MYO3A: variants seen among roughly 807,000 people sequenced by gnomAD.
MYO3A encodes myosin IIIA.
A neutral mutation model predicts 192.7 loss-of-function variants in MYO3A; 180 were observed. That is an observed-to-expected ratio of 0.93 (90% CI 0.83 to 1.06). MYO3A has a LOEUF of 1.06. Among genes scored for constraint, MYO3A ranks in the 50% least tolerant of loss-of-function variants. The pLI is 0.00. For missense variants in MYO3A, 1,896 were observed against 1,905.0 expected (o/e 1.00, Z 0.09); for synonymous variants, 628 against 645.3 (o/e 0.97, Z 0.41).
chr10:26,016,916 C>T lies in MYO3A; in HGVS notation c.585+20C>T. ...CCTGAGGTCAGATAGAGTTTTGAGG[C>T]AGACAAACGTAATAGCTGATCCTGT... On this transcript the variant is annotated intron_variant, in intron 7 of 34. Transcript: ENST00000642920. 6.2e-7 allele frequency: 1 copy of T among 1,607,204 alleles called. No individual in the cohort carries two copies. Among genetic ancestry groups the T allele is most frequent in the South Asian group, 1.1e-5 (1 of 90,914 alleles).
chr10:25,988,812 ACT>A (rs1220798416), intron 4 of MYO3A, among the ~76,000 whole-genome samples: 2 of 152,028 alleles, frequency 1.3e-5, no homozygotes, highest in African/African-American at 4.8e-5. Flanking sequence ...CCAAATATTT[ACT>A]CTTGTGTTAA....
intron 29 of MYO3A, among the ~76,000 whole-genome samples, chr10:26,173,038 G>C (rs1303553717): frequency 2.7e-5 from 4 of 148,446 alleles, no homozygotes; most frequent in Non-Finnish European, 5.9e-5. Flanking sequence ...CTCTTGTAAG[G>C]GTTTTGCCTT....
At chr10:26,110,975 C>T (rs1218315366) in intron 17 of MYO3A, among the ~76,000 whole-genome samples, 1 of 151,326 alleles carries the variant, frequency 6.6e-6, no homozygotes, top group Non-Finnish European at 1.5e-5. Flanking sequence ...ATCTGTCCTC[C>T]CACTTCAACC....
intron 31 of MYO3A, among the ~76,000 whole-genome samples, chr10:26,177,536 G>A (rs969589697): frequency 6.6e-6 from 1 of 152,138 alleles, no homozygotes; most frequent in African/African-American, 2.4e-5. Context: ...GACTGTGGAG[G>A]TCTGGAGCCT....
chr10:26,037,551 A>T (rs1588835785), intron 10 of MYO3A, among the ~76,000 whole-genome samples: 1 of 152,170 alleles, frequency 6.6e-6, no homozygotes, highest in Non-Finnish European at 1.5e-5. Context: ...ATTCCTTTGC[A>T]TATGTATACC....
chr10:25,967,787 A>G (rs1167723679), intron 4 of MYO3A, among the ~76,000 whole-genome samples: 1 of 152,140 alleles, frequency 6.6e-6, no homozygotes, highest in Non-Finnish European at 1.5e-5. Context: ...ACTTAAAAAT[A>G]TAATATATAT....
chr10:26,072,129 C>T (rs1334978822), intron 14 of MYO3A, among the ~76,000 whole-genome samples: 1 of 152,122 alleles, frequency 6.6e-6, no homozygotes, highest in African/African-American at 2.4e-5. Flanking sequence ...TGTGAGAATT[C>T]ACTCACTCTC....
chr10:25,944,261 G>A (rs1332833238), intron 2 of MYO3A, among the ~76,000 whole-genome samples: 1 of 151,898 alleles, frequency 6.6e-6, no homozygotes, highest in Admixed American at 6.6e-5. Context: ...ATTGGTCATG[G>A]TGTATGATCC....
intron 10 of MYO3A, among the ~76,000 whole-genome samples, chr10:26,050,590 C>T (rs56278522): frequency 0.16 from 24,677 of 152,178 alleles, 2,298 homozygotes; most frequent in Non-Finnish European, 0.21. Context: ...AGAAAGATGT[C>T]AGGAATTCTG....
At chr10:26,111,056 A>G (rs1838148112) in intron 17 of MYO3A, among the ~76,000 whole-genome samples, 1 of 151,290 alleles carries the variant, frequency 6.6e-6, no homozygotes, top group Non-Finnish European at 1.5e-5. Context: ...TTTTGTAGAG[A>G]TGCATCTCAC....
chr10:25,978,878 A>G (rs1219142759), intron 4 of MYO3A, among the ~76,000 whole-genome samples: 1 of 152,152 alleles, frequency 6.6e-6, no homozygotes. Flanking sequence ...TCCCTTTGAT[A>G]TGGTACTATT....
At chr10:26,073,652 T>TAATA (rs1023374572) in intron 14 of MYO3A, among the ~76,000 whole-genome samples, 22 of 43,556 alleles carry the variant, frequency 5.1e-4, no homozygotes, top group East Asian at 1.5e-3. Flanking sequence ...ATAATAATGA[T>TAATA]AATAAATAAA....
intron 4 of MYO3A, among the ~76,000 whole-genome samples, chr10:25,991,135 T>G (rs182252333): frequency 0.043 from 6,554 of 152,310 alleles, 176 homozygotes; most frequent in Middle Eastern, 0.068. Context: ...ACCAACAGTG[T>G]AAAAGTGTTC....
chr10:26,140,165 T>C (rs897959686), intron 20 of MYO3A, among the ~76,000 whole-genome samples: 15 of 152,122 alleles, frequency 9.9e-5, no homozygotes, highest in Admixed American at 6.5e-4. Context: ...TGTGCTTAAA[T>C]TTGCACCTGA....
chr10:25,955,145 A>T (rs187945481), intron 4 of MYO3A, 137 bp downstream of exon 4: 1 of 1,282,084 alleles, frequency 7.8e-7, no homozygotes, highest in East Asian at 2.4e-5. Context: ...TGTTGTGCCT[A>T]GTTTTGGCCT....
chr10:26,152,880 C>T (rs1440105144), intron 23 of MYO3A, among the ~76,000 whole-genome samples: 1 of 152,152 alleles, frequency 6.6e-6, no homozygotes, highest in Non-Finnish European at 1.5e-5. Flanking sequence ...AGCAGAGGCC[C>T]TGCCAGGCAC....
At chr10:26,037,632 A>C (rs988523647) in intron 10 of MYO3A, among the ~76,000 whole-genome samples, 9 of 152,130 alleles carry the variant, frequency 5.9e-5, no homozygotes, top group Non-Finnish European at 1.2e-4. Flanking sequence ...CCTGTATTAG[A>C]CCATTCTCAC....
At position 26,211,860 on chromosome 10, in the gene MYO3A, G is replaced by C; in HGVS notation, c.4748G>C (p.Ser1583Thr). 1 of 1,614,088 alleles carries C rather than the reference G, an allele frequency of 6.2e-7. No individual in the cohort carries two copies. The highest frequency in any genetic ancestry group is 8.5e-7 in the Non-Finnish European group (1 of 1,180,006). ...ACTTGCAGGTGCTGGGCGGCGGAGAGCCCCGAGAAGGAGGAGGAGAGAGAG... is the reference window on the plus strand; with the variant it reads ...ACTTGCAGGTGCTGGGCGGCGGAGACCCCCGAGAAGGAGGAGGAGAGAGAG... ...KANERCWAAE[S>T]PEKEEEREPA... Residue 1583 changes from serine (S) to threonine (T), a missense_variant, in exon 35 of 35, where the codon AGC (serine) becomes ACC (threonine). Ser to Thr is a moderately conservative substitution (Grantham distance 58). Coordinates refer to ENST00000642920, the MANE Select transcript of MYO3A (RefSeq NM_017433.5).
At chr10:26,147,335 C>T in intron 22 of MYO3A, 95 bp from the exon 23 acceptor site, 1 of 1,287,656 alleles carries the variant, frequency 7.8e-7, no homozygotes, top group South Asian at 1.2e-5. Context: ...AGAGTAAGCT[C>T]ATAATGAGTA....
Sources: gnomAD v4.1 joint callset for allele counts (sites outside exome capture counted in the v4.1 genomes callset) on GRCh38, gnomAD v4.1.1 for gene constraint, MANE v1.5 for transcripts, NCBI Gene and HGNC (gene_info 2026-07-23, HGNC 2026-07-21) for gene names.